DOCK7: variants seen among roughly 807,000 people sequenced by gnomAD.
The protein encoded by DOCK7 is dedicator of cytokinesis protein 7.
A neutral mutation model predicts 271.0 loss-of-function variants in DOCK7; 138 were observed. The observed-to-expected ratio is 0.51, with a 90% confidence interval of 0.44 to 0.59. The LOEUF (loss-of-function observed/expected upper bound fraction) is 0.59. Among genes scored for constraint, DOCK7 ranks in the 20% least tolerant of loss-of-function variants. The pLI, the probability that DOCK7 is intolerant of heterozygous loss-of-function variation, is 0.00. For missense variants in DOCK7, 2,066 were observed against 2,592.4 expected, an observed-to-expected ratio of 0.80 and a Z score of 4.41; for synonymous variants, 823 against 876.1, an observed-to-expected ratio of 0.94 and a Z score of 1.07.
chr1:62,678,022 G>A (rs904407130), intron 1 of DOCK7, among the ~76,000 whole-genome samples: 16 of 152,194 alleles, frequency 1.1e-4, no homozygotes, highest in African/African-American at 3.4e-4. Context: ...TAGCTACTCA[G>A]GAGGCTGAGG....
At chr1:62,687,151 A>G (rs953835250) in intron 1 of DOCK7, among the ~76,000 whole-genome samples, 7 of 152,232 alleles carry the variant, frequency 4.6e-5, no homozygotes, top group Non-Finnish European at 1.0e-4. Flanking sequence ...CCCAAAACAA[A>G]AAAAGGTAAT....
chr1:62,583,248 A>C lies in DOCK7; in HGVS notation c.1807T>G (p.Phe603Val), dbSNP rs781257603. The change falls in exon 16 of 50, where the codon TTT becomes GTT. Residue 603 changes from phenylalanine (F) to valine (V), a missense_variant. Physicochemically the swap from Phe to Val is conservative, Grantham distance 50. Coordinates refer to ENST00000635253, the MANE Select transcript of DOCK7 (RefSeq NM_001367561.1). ...EDPSNAMPVI[F>V]GKSSCSEFSK... is the part of the protein sequence containing the mutation. ...AATTCTGAACAGCTAGATTTACCAA[A>C]GATTACCTGAAACAAATAACAGCAT... 7.4e-6 allele frequency: 12 copies of C among 1,613,010 alleles called. No individual in the cohort carries two copies. Among genetic ancestry groups the C allele is most frequent in the Non-Finnish European group, 9.3e-6 (11 of 1,179,324 alleles).
intron 1 of DOCK7, among the ~76,000 whole-genome samples, chr1:62,667,856 A>G (rs990343413): frequency 6.6e-6 from 1 of 152,070 alleles, no homozygotes; most frequent in Non-Finnish European, 1.5e-5. Flanking sequence ...CGTCTCTACG[A>G]AAAATACAAA....
chr1:62,513,378 G>T, intron 33 of DOCK7, 66 bp downstream of exon 33: 2 of 1,435,554 alleles, frequency 1.4e-6, no homozygotes, highest in South Asian at 3.0e-5. Context: ...GCATAGGATT[G>T]ACATTGAAGA....
At chr1:62,601,872 T>C (rs1650174208) in intron 14 of DOCK7, 1 of 1,605,258 alleles carries the variant, frequency 6.2e-7, no homozygotes, top group Non-Finnish European at 8.5e-7. Flanking sequence ...TCTACTGTGA[T>C]GTTATATCAG....
intron 1 of DOCK7, among the ~76,000 whole-genome samples, chr1:62,686,002 G>A (rs1343258452): frequency 2.0e-5 from 3 of 152,074 alleles, no homozygotes; most frequent in Non-Finnish European, 4.4e-5. Context: ...CTTGTGGTTT[G>A]TCCTATCCCA....
intron 2 of DOCK7, among the ~76,000 whole-genome samples, chr1:62,662,712 G>A (rs1385788568): frequency 6.6e-6 from 1 of 152,124 alleles, no homozygotes; most frequent in African/African-American, 2.4e-5. Flanking sequence ...AGTGAGCCGA[G>A]AACGCGCCAC....
At chr1:62,485,168 C>T in intron 43 of DOCK7, 1 of 985,284 alleles carries the variant, frequency 1.0e-6, no homozygotes, top group Non-Finnish European at 1.2e-6. Context: ...AACAAACATG[C>T]TTTTACTTCC....
chr1:62,489,822 A>G (rs1571270375), intron 41 of DOCK7, among the ~76,000 whole-genome samples: 1 of 152,220 alleles, frequency 6.6e-6, no homozygotes, highest in Non-Finnish European at 1.5e-5. Flanking sequence ...CAATTCTCCT[A>G]TAATAGCATC....
intron 34 of DOCK7, among the ~76,000 whole-genome samples, chr1:62,508,351 C>T (rs1343979403): frequency 6.6e-6 from 1 of 152,184 alleles, no homozygotes; most frequent in African/African-American, 2.4e-5. Flanking sequence ...CTAAGTGACA[C>T]TGACACTAGG....
intron 2 of DOCK7, among the ~76,000 whole-genome samples, chr1:62,657,515 A>T (rs997478790): frequency 6.6e-6 from 1 of 152,238 alleles, no homozygotes; most frequent in African/African-American, 2.4e-5. Context: ...ATCTCTCATC[A>T]TACTAAGAAC....
intron 1 of DOCK7, among the ~76,000 whole-genome samples, chr1:62,673,791 TA>T (rs1660257036): frequency 6.6e-6 from 1 of 152,100 alleles, no homozygotes; most frequent in Non-Finnish European, 1.5e-5. Flanking sequence ...TACCTACAAA[TA>T]ACATCATACT....
chr1:62,660,522 T>C (rs1658539865), intron 2 of DOCK7, among the ~76,000 whole-genome samples: 1 of 152,190 alleles, frequency 6.6e-6, no homozygotes, highest in Non-Finnish European at 1.5e-5. Context: ...CCTTGTGCAT[T>C]GACGGTGGAA....
chr1:62,468,883 C>A (rs757357619), intron 48 of DOCK7, among the ~76,000 whole-genome samples: 1 of 151,792 alleles, frequency 6.6e-6, no homozygotes, highest in Non-Finnish European at 1.5e-5. Flanking sequence ...AAGACCTCTA[C>A]AAGGAAAACT....
intron 4 of DOCK7, among the ~76,000 whole-genome samples, chr1:62,652,076 C>CTAAA (rs905927283): frequency 2.4e-4 from 36 of 152,190 alleles, no homozygotes; most frequent in African/African-American, 3.9e-4. Context: ...ATTACTGATC[C>CTAAA]TAAATAAATA....
chr1:62,661,310 G>T (rs991374875), intron 2 of DOCK7, among the ~76,000 whole-genome samples: 8 of 152,052 alleles, frequency 5.3e-5, no homozygotes, highest in African/African-American at 1.7e-4. Context: ...TGGGTACAGG[G>T]TTTCAGTATG....
chr1:62,605,744 A>G (rs1650896073), intron 14 of DOCK7: 1 of 152,432 alleles, frequency 6.6e-6, no homozygotes, highest in Non-Finnish European at 1.5e-5. Context: ...ACAAGCATGT[A>G]TATATGTTTA....
intron 1 of DOCK7, among the ~76,000 whole-genome samples, chr1:62,683,205 A>C (rs1661362856): frequency 6.6e-6 from 1 of 152,246 alleles, no homozygotes; most frequent in African/African-American, 2.4e-5. Flanking sequence ...AGGAGCAAGA[A>C]GCAGGTTAGA....
chr1:62,563,560 T>C (rs1390990735), intron 18 of DOCK7, among the ~76,000 whole-genome samples: 2 of 152,034 alleles, frequency 1.3e-5, no homozygotes, highest in Non-Finnish European at 2.9e-5. Flanking sequence ...TACAAGAGAT[T>C]TCTTTCCTAT....
Sources: gnomAD v4.1 joint callset for allele counts (sites outside exome capture counted in the v4.1 genomes callset) on GRCh38, gnomAD v4.1.1 for gene constraint, MANE v1.5 for transcripts, NCBI Gene and HGNC (gene_info 2026-07-23, HGNC 2026-07-21) for gene names.